RIMKLB: variants seen among roughly 807,000 people sequenced by gnomAD.
The protein encoded by RIMKLB is beta-citrylglutamate synthase B.
RIMKLB carries 7 observed loss-of-function variants against 32.0 expected under a neutral mutation model. The observed-to-expected ratio is 0.22, with a 90% CI of 0.12 to 0.41. The LOEUF (loss-of-function observed/expected upper bound fraction) is 0.41, where lower values mean the gene tolerates loss of function less well. Ranked by LOEUF, RIMKLB falls within the 10% of genes least tolerant of loss-of-function variation. The pLI, the probability that RIMKLB is intolerant of heterozygous loss-of-function variation, is 1.00. For synonymous variants in RIMKLB, 172 were observed against 185.1 expected (o/e 0.93, Z 0.57); for missense variants, 289 against 498.7 (o/e 0.58, Z 4.00).
chr12:8,738,320 A>G (rs754905320), intron 2 of RIMKLB, among the ~76,000 whole-genome samples: 1 of 152,188 alleles, frequency 6.6e-6, no homozygotes, highest in Non-Finnish European at 1.5e-5. Flanking sequence ...CTGGGATTAC[A>G]GGGATGAACC....
intron 1 of RIMKLB, among the ~76,000 whole-genome samples, chr12:8,708,609 A>G (rs1018540000): frequency 6.6e-6 from 1 of 152,228 alleles, no homozygotes; most frequent in South Asian, 2.1e-4. Flanking sequence ...AAAAACTTTT[A>G]AAGTAGAAAA....
intron 1 of RIMKLB, chr12:8,681,937 A>G (rs2136520123): frequency 6.6e-6 from 1 of 152,048 alleles, no homozygotes; most frequent in South Asian, 2.1e-4. Context: ...GGGACTTTCA[A>G]CTGGCATCTG....
chr12:8,727,838 T>C (rs1946174141), intron 2 of RIMKLB, among the ~76,000 whole-genome samples: 3 of 151,046 alleles, frequency 2.0e-5, no homozygotes, highest in African/African-American at 7.3e-5. Flanking sequence ...GGGGTGGAGG[T>C]TGCAGTGAGC....
At chr12:8,747,837 C>G (rs1339273393) in intron 2 of RIMKLB, among the ~76,000 whole-genome samples, 1 of 151,618 alleles carries the variant, frequency 6.6e-6, no homozygotes, top group African/African-American at 2.4e-5. Context: ...TTTACTGCAA[C>G]CTCCGCCTCC....
intron 5 of RIMKLB, among the ~76,000 whole-genome samples, chr12:8,769,697 A>T (rs1445174074): frequency 6.6e-6 from 1 of 151,954 alleles, no homozygotes; most frequent in Non-Finnish European, 1.5e-5. Context: ...GTTACCTTCT[A>T]TTTTCTTATG....
chr12:8,737,191 C>T (rs1435703699), intron 2 of RIMKLB, among the ~76,000 whole-genome samples: 1 of 151,746 alleles, frequency 6.6e-6, no homozygotes, highest in Non-Finnish European at 1.5e-5. Context: ...CTCCTTTATC[C>T]AGGATTTCAA....
chr12:8,737,687 A>G (rs1947139151), intron 2 of RIMKLB, among the ~76,000 whole-genome samples: 1 of 151,936 alleles, frequency 6.6e-6, no homozygotes, highest in Non-Finnish European at 1.5e-5. Context: ...ATTAGTTGGT[A>G]TTGTACTGTA....
rs1168492811 is a variant in RIMKLB, at chr12:8,718,665, A to ATGTG, written c.175+4625_175+4626insGTGT. On this transcript the variant is annotated intron_variant, in intron 2 of 5. Transcript: ENST00000535829. ...TCTCTCTCTCTCTCTATATATATAT[A>ATGTG]TATATGTGTGTGTGTGTGTGTGTGT... Among the ~76,000 whole-genome samples the ATGTG allele has an allele frequency of 8.2e-3, 859 of 104,218 alleles. 9 individuals carry two copies. Among genetic ancestry groups the ATGTG allele is most frequent in the African/African-American group, 0.023 (661 of 28,444 alleles). The allele number at this position is 104,218 out of a possible 152,430, so 68.4% of individuals were successfully genotyped here.
intron 1 of RIMKLB, among the ~76,000 whole-genome samples, chr12:8,703,557 A>C (rs1396147095): frequency 6.6e-6 from 1 of 151,174 alleles, no homozygotes; most frequent in Non-Finnish European, 1.5e-5. Flanking sequence ...CTAGTCTTGA[A>C]CTCCTGTCCT....
chr12:8,766,363 G>T (rs148891419), intron 5 of RIMKLB, among the ~76,000 whole-genome samples: 22 of 152,252 alleles, frequency 1.4e-4, no homozygotes, highest in Admixed American at 1.0e-3. Flanking sequence ...GCCCAACGTT[G>T]CCTTTGCACT....
At chr12:8,733,062 A>G (rs1946693818) in intron 2 of RIMKLB, among the ~76,000 whole-genome samples, 2 of 152,152 alleles carry the variant, frequency 1.3e-5, no homozygotes, top group Non-Finnish European at 2.9e-5. Flanking sequence ...AATATTTAGT[A>G]TGGCTGTATA....
intron 5 of RIMKLB, among the ~76,000 whole-genome samples, chr12:8,768,756 G>A (rs1027085997): frequency 6.6e-6 from 1 of 152,162 alleles, no homozygotes; most frequent in Non-Finnish European, 1.5e-5. Context: ...ACTTCTGGGG[G>A]CGGTTTTGGA....
chr12:8,682,324 T>G (rs1942430804), intron 1 of RIMKLB, among the ~76,000 whole-genome samples: 1 of 152,144 alleles, frequency 6.6e-6, no homozygotes, highest in African/African-American at 2.4e-5. Flanking sequence ...CTAATATAGT[T>G]CATGTAGCAA....
intron 1 of RIMKLB, among the ~76,000 whole-genome samples, chr12:8,703,907 C>T (rs1591643952): frequency 6.6e-6 from 1 of 151,964 alleles, no homozygotes; most frequent in Admixed American, 6.6e-5. Context: ...TTTCTTTATC[C>T]AAATTAGCTT....
chr12:8,776,223 A>G lies in RIMKLB; in HGVS notation c.*2439A>G. 1 of 981,022 alleles carries G rather than the reference A, an allele frequency of 1.0e-6. No homozygotes were observed. The allele number at this position is 981,022 out of a possible 1,614,324, so 60.8% of individuals were successfully genotyped here. On this transcript the variant is annotated 3_prime_UTR_variant, in exon 6 of 6. Transcript: ENST00000535829. ...TATAGGAAATATGTGAAATTAGTTC[A>G]TTAGCTTTATTCACTATTATGCATT...
chr12:8,673,349 A>G, the RIMKLB span, among the ~76,000 whole-genome samples: 2 of 151,980 alleles, frequency 1.3e-5, no homozygotes, highest in African/African-American at 4.8e-5. Context: ...ATTCTCCTCA[A>G]CTCCCTGAAT....
At chr12:8,773,234 A>G in intron 5 of RIMKLB, 87 bp from the exon 6 acceptor site, 2 of 893,906 alleles carry the variant, frequency 2.2e-6, no homozygotes, top group Non-Finnish European at 3.5e-6. Context: ...ATTAATTTAG[A>G]AGAAAGGCTT....
chr12:8,750,763 T>A (rs1046097163), intron 3 of RIMKLB, among the ~76,000 whole-genome samples: 13 of 152,172 alleles, frequency 8.5e-5, no homozygotes, highest in Non-Finnish European at 1.8e-4. Context: ...ATAACAGTAG[T>A]GAACAAGTCC....
intron 2 of RIMKLB, among the ~76,000 whole-genome samples, chr12:8,716,314 A>G (rs779394972): frequency 1.3e-5 from 2 of 152,202 alleles, no homozygotes; most frequent in East Asian, 3.9e-4. Context: ...TTTCTGTGCC[A>G]TTCTATCACA....
Sources: gnomAD v4.1 joint callset for allele counts (sites outside exome capture counted in the v4.1 genomes callset) on GRCh38, gnomAD v4.1.1 for gene constraint, MANE v1.5 for transcripts, NCBI Gene and HGNC (gene_info 2026-07-23, HGNC 2026-07-21) for gene names.